Variants in DDX10 observed in about 807,000 individuals in gnomAD.
DDX10 encodes DEAD-box helicase 10.
DDX10 carries 74 observed loss-of-function variants against 104.3 expected under a neutral mutation model. That is an observed-to-expected ratio of 0.71 (90% confidence interval 0.59 to 0.86). DDX10 has a LOEUF of 0.86. DDX10 is among the 40% of genes least tolerant of loss of function. DDX10 has a pLI of 0.00. For synonymous variants in DDX10, 351 were observed against 353.4 expected (o/e 0.99, Z 0.08); for missense variants, 952 against 1,040.0 (o/e 0.92, Z 1.16).
intron 4 of DDX10, 132 bp downstream of exon 4, chr11:108,677,375 A>G: frequency 1.3e-6 from 1 of 747,272 alleles, no homozygotes; most frequent in African/African-American, 1.8e-5. Context: ...GGATAGTAGC[A>G]CTTGGTGTGG....
chr11:108,711,676 A>G (rs993458091), intron 10 of DDX10, among the ~76,000 whole-genome samples: 6 of 152,186 alleles, frequency 3.9e-5, no homozygotes, highest in African/African-American at 1.4e-4. Context: ...GAAAGCAGAT[A>G]TTGTATGATT....
rs1258009353 is a variant in DDX10 at position 108,924,344 on chromosome 11, A to G, written c.2450+6326A>G. Among the ~76,000 whole-genome samples, 4 of 152,238 alleles carry G rather than the reference A, an allele frequency of 2.6e-5. No individual in the cohort carries two copies. In the East Asian group the frequency reaches 7.7e-4, roughly 29 times the overall value. On this transcript the variant is annotated intron_variant, in intron 17 of 17. Coordinates refer to ENST00000322536, the MANE Select transcript of DDX10 (RefSeq NM_004398.4). ...TATTTCGTAGATTATTCTAGGTAGC[A>G]TAAGACCAATTACATCTATAGTTTG... is the stretch of plus-strand genomic sequence containing the variant.
chr11:108,850,400 C>T (rs1029616563), intron 15 of DDX10, among the ~76,000 whole-genome samples: 7 of 152,012 alleles, frequency 4.6e-5, no homozygotes. Context: ...GTTATGTTTG[C>T]TTTAGTAGAA....
At chr11:108,926,193 G>T (rs1863906311) in intron 17 of DDX10, among the ~76,000 whole-genome samples, 1 of 151,922 alleles carries the variant, frequency 6.6e-6, no homozygotes, top group Non-Finnish European at 1.5e-5. Flanking sequence ...CTAAACTGCT[G>T]TGGAGCAGGG....
At chr11:108,936,609 G>A (rs1259047467) in intron 17 of DDX10, among the ~76,000 whole-genome samples, 1 of 151,776 alleles carries the variant, frequency 6.6e-6, no homozygotes, top group African/African-American at 2.4e-5. Context: ...TTTTTGTGTT[G>A]GTTTTATAAT....
chr11:108,698,522 C>G (rs1057039400), intron 9 of DDX10, among the ~76,000 whole-genome samples: 2 of 152,080 alleles, frequency 1.3e-5, no homozygotes, highest in African/African-American at 4.8e-5. Context: ...CAATGAGGAG[C>G]TGGGGGAGAG....
At chr11:108,908,224 A>G (rs1266420880) in intron 16 of DDX10, among the ~76,000 whole-genome samples, 2 of 152,218 alleles carry the variant, frequency 1.3e-5, no homozygotes, top group Non-Finnish European at 2.9e-5. Flanking sequence ...ATCAATTTTT[A>G]TTTTAAATTT....
intron 1 of DDX10, among the ~76,000 whole-genome samples, chr11:108,666,140 G>A (rs187724989): frequency 1.5e-3 from 224 of 152,262 alleles, no homozygotes; most frequent in Non-Finnish European, 2.4e-3. Flanking sequence ...ACATCTTTCA[G>A]CTTCTCAGCC....
At chr11:108,907,336 T>C (rs1000359078) in intron 16 of DDX10, among the ~76,000 whole-genome samples, 3 of 151,520 alleles carry the variant, frequency 2.0e-5, no homozygotes, top group Non-Finnish European at 4.4e-5. Flanking sequence ...TTGCCTCTTT[T>C]TTTTTTTTTC....
At chr11:108,829,440 AT>A (rs968011234) in intron 13 of DDX10, among the ~76,000 whole-genome samples, 8 of 150,914 alleles carry the variant, frequency 5.3e-5, no homozygotes, top group Admixed American at 6.6e-5. Flanking sequence ...TTTTGATGGA[AT>A]TTTTTTTTCT....
intron 13 of DDX10, among the ~76,000 whole-genome samples, chr11:108,741,618 A>G (rs1435151115): frequency 1.3e-5 from 2 of 152,110 alleles, no homozygotes; most frequent in African/African-American, 2.4e-5. Context: ...TTGCTGGTGT[A>G]TAGGAATGCT....
intron 17 of DDX10, 195 bp downstream of exon 17, chr11:108,918,213 G>A (rs1324740669): frequency 5.1e-6 from 3 of 593,412 alleles, no homozygotes; most frequent in African/African-American, 3.7e-5. Flanking sequence ...GGTCATGTTA[G>A]GGCCTTTTTG....
At chr11:108,682,790 A>G (rs1161715102) in intron 6 of DDX10, among the ~76,000 whole-genome samples, 4 of 152,028 alleles carry the variant, frequency 2.6e-5, no homozygotes, top group African/African-American at 7.2e-5. Flanking sequence ...TTTCCTTTTT[A>G]GTGCAGACTT....
chr11:108,684,364 C>T (rs2094240228), intron 6 of DDX10, among the ~76,000 whole-genome samples: 1 of 108,800 alleles, frequency 9.2e-6, no homozygotes. Context: ...CCCGACCCCA[C>T]CACAGTCCCC....
intron 17 of DDX10, chr11:108,921,003 G>GT (rs953152367): frequency 4.6e-5 from 7 of 152,172 alleles, no homozygotes; most frequent in Admixed American, 1.3e-4. Flanking sequence ...GTCAGAGTAG[G>GT]TTTTTTCTCT....
intron 13 of DDX10, among the ~76,000 whole-genome samples, chr11:108,736,455 C>T (rs149990996): frequency 6.0e-4 from 91 of 152,180 alleles, no homozygotes; most frequent in African/African-American, 2.0e-3. Flanking sequence ...TAAGTGATAC[C>T]ACCGAAGTTG....
At chr11:108,751,671 G>T (rs1308709716) in intron 13 of DDX10, among the ~76,000 whole-genome samples, 2 of 152,188 alleles carry the variant, frequency 1.3e-5, no homozygotes, top group Non-Finnish European at 2.9e-5. Context: ...GGAAACGTGT[G>T]TACAAAAGGG....
intron 13 of DDX10, among the ~76,000 whole-genome samples, chr11:108,836,782 C>A (rs564079756): frequency 3.5e-4 from 54 of 152,190 alleles, no homozygotes; most frequent in Non-Finnish European, 7.2e-4. Context: ...ATTCACCACA[C>A]CCGGCCTTGG....
intron 13 of DDX10, among the ~76,000 whole-genome samples, chr11:108,832,722 T>C (rs1259657099): frequency 6.6e-6 from 1 of 152,214 alleles, no homozygotes; most frequent in Non-Finnish European, 1.5e-5. Flanking sequence ...TTGTATAACT[T>C]TGGGAGGATT....
Sources: gnomAD v4.1 joint callset for allele counts (sites outside exome capture counted in the v4.1 genomes callset) on GRCh38, gnomAD v4.1.1 for gene constraint, MANE v1.5 for transcripts, NCBI Gene and HGNC (gene_info 2026-07-23, HGNC 2026-07-21) for gene names.